The following RBFOX1 variants were observed in gnomAD, a reference collection of about 807,000 sequenced individuals.
RBFOX1 encodes the protein RNA binding protein fox-1 homolog 1.
Under a neutral mutation model 57.7 loss-of-function variants are expected in RBFOX1, and 8 were observed. The observed-to-expected ratio is 0.14, with a 90% CI of 0.08 to 0.25. The LOEUF is 0.25. Among genes scored for constraint, RBFOX1 ranks in the 10% least tolerant of loss-of-function variants. RBFOX1 has a pLI of 1.00. For missense variants in RBFOX1, 611 were observed against 548.5 expected (o/e 1.11, Z -1.14); for synonymous variants, 326 against 222.4 (o/e 1.47, Z -4.15).
chr16:5,525,272 A>T (rs1307975215), intron 2 of RBFOX1, among the ~76,000 whole-genome samples: 2 of 152,038 alleles, frequency 1.3e-5, no homozygotes, highest in Non-Finnish European at 2.9e-5. Flanking sequence ...AGACATGGGG[A>T]GTAATAATCA....
At chr16:5,990,352 C>T (rs547144412) in intron 4 of RBFOX1, among the ~76,000 whole-genome samples, 1 of 152,252 alleles carries the variant, frequency 6.6e-6, no homozygotes, top group African/African-American at 2.4e-5. Flanking sequence ...TGGCCTTGGG[C>T]AATGAACTAT....
At chr16:6,685,243 C>G in intron 3 of RBFOX1, among the ~76,000 whole-genome samples, 1 of 149,746 alleles carries the variant, frequency 6.7e-6, no homozygotes, top group East Asian at 2.0e-4. Context: ...AATGACTTCA[C>G]GTAAGTGTAC....
In RBFOX1 at chr16:7,042,772, A is replaced by G. The variant is rs1248973994; in HGVS notation, c.-15-9285A>G. Among the ~76,000 whole-genome samples the G allele has an allele frequency of 3.3e-5, 5 of 152,086 alleles. No homozygotes were observed. In the East Asian group the frequency reaches 9.7e-4, roughly 29 times the overall value. ...AAAACTCCATCTCTGCTACAAATGC[A>G]AAAATTAGCCGGGTGTGGTGGCGCT... On this transcript the variant is annotated intron_variant, in intron 3 of 15. Transcript: ENST00000550418.
chr16:6,912,742 T>C (rs2072003375), intron 3 of RBFOX1, among the ~76,000 whole-genome samples: 1 of 152,044 alleles, frequency 6.6e-6, no homozygotes, highest in East Asian at 1.9e-4. Context: ...CTCAGCCTAC[T>C]GAGTAGCTGG....
rs180841800 is a variant in RBFOX1 at position 6,369,418 on chromosome 16, C to T, written c.-64+52361C>T. 1.1e-3 allele frequency among the ~76,000 whole-genome samples: 162 copies of T among 152,246 alleles called. 2 individuals carry two copies. Among genetic ancestry groups the T allele is most frequent in the East Asian group, 2.5e-3 (13 of 5,182 alleles). ...AAAGAAAGGAGGCATTGTTTGAGAACGTTTGTCTTAGACATAGCATCTCTA... is the reference window on the plus strand; with the variant it reads ...AAAGAAAGGAGGCATTGTTTGAGAATGTTTGTCTTAGACATAGCATCTCTA... On this transcript the variant is annotated intron_variant, in intron 2 of 15. Coordinates refer to ENST00000550418, the MANE Select transcript of RBFOX1 (RefSeq NM_018723.4).
chr16:6,817,213 A>G (rs533673575), intron 3 of RBFOX1, among the ~76,000 whole-genome samples: 2 of 152,198 alleles, frequency 1.3e-5, no homozygotes, highest in African/African-American at 4.8e-5. Flanking sequence ...AGGTGCAAGG[A>G]ACTTTGTTGC....
intron 4 of RBFOX1, among the ~76,000 whole-genome samples, chr16:7,157,969 G>A (rs1023965669): frequency 2.6e-5 from 4 of 152,106 alleles, no homozygotes; most frequent in African/African-American, 9.7e-5. Context: ...TTTTAGATTT[G>A]TAGATTGACA....
At chr16:7,567,830 T>G (rs2092270839) in intron 5 of RBFOX1, among the ~76,000 whole-genome samples, 1 of 148,580 alleles carries the variant, frequency 6.7e-6, no homozygotes, top group Non-Finnish European at 1.5e-5. Flanking sequence ...CCTATATATA[T>G]CCCCATATAT....
chr16:5,399,661 A>T (rs930240569), intron 1 of RBFOX1, among the ~76,000 whole-genome samples: 1 of 152,072 alleles, frequency 6.6e-6, no homozygotes, highest in African/African-American at 2.4e-5. Context: ...ACCTGAGCAC[A>T]GGAGATCAAG....
At chr16:7,661,466 C>G (rs961265780) in intron 12 of RBFOX1, among the ~76,000 whole-genome samples, 1 of 152,330 alleles carries the variant, frequency 6.6e-6, no homozygotes, top group East Asian at 1.9e-4. Flanking sequence ...TCACTCCTCT[C>G]TACCGAGCCA....
At chr16:7,454,566 T>A (rs2150318520) in intron 4 of RBFOX1, among the ~76,000 whole-genome samples, 1 of 152,278 alleles carries the variant, frequency 6.6e-6, no homozygotes. Flanking sequence ...ACCTGTTGGG[T>A]TATGTCCCCT....
rs535568401 is a variant in RBFOX1, at chr16:6,425,335, C to T, written c.-64+108278C>T. Among the ~76,000 whole-genome samples, 49 of 152,230 alleles carry T rather than the reference C, an allele frequency of 3.2e-4. No homozygotes were observed. The South Asian group carries it at 9.7e-3, about 30-fold the overall frequency. ...AGCTGAAGGAGGAATACTCTAAAATCATTGTCTTCTCATTTAAATGCTCTT... is the reference window on the plus strand; with the variant it reads ...AGCTGAAGGAGGAATACTCTAAAATTATTGTCTTCTCATTTAAATGCTCTT... On this transcript the variant is annotated intron_variant, in intron 2 of 15. Coordinates refer to ENST00000550418, the MANE Select transcript of RBFOX1 (RefSeq NM_018723.4).
In RBFOX1 at chr16:5,326,035, T is replaced by C. The variant is rs145702888; in HGVS notation, c.219+85930T>C. ...TTATATAATTTAGCTTACATACTTATATAAGAGTTTGGCATCAGAGTTTTT... is the reference window on the plus strand; with the variant it reads ...TTATATAATTTAGCTTACATACTTACATAAGAGTTTGGCATCAGAGTTTTT... On this transcript the variant is annotated intron_variant, in intron 1 of 2. Transcript: ENST00000585867. Among the ~76,000 whole-genome samples, 458 of 152,350 alleles carry C rather than the reference T, an allele frequency of 3.0e-3. 5 individuals are homozygous for C. Among genetic ancestry groups the C allele is most frequent in the African/African-American group, 0.01 (433 of 41,592 alleles).
intron 4 of RBFOX1, among the ~76,000 whole-genome samples, chr16:7,396,947 A>G (rs1370006432): frequency 3.3e-5 from 5 of 152,186 alleles, no homozygotes; most frequent in Non-Finnish European, 2.9e-5. Context: ...AAAAAGAAAA[A>G]TAAAAGAAAA....
intron 4 of RBFOX1, among the ~76,000 whole-genome samples, chr16:5,966,888 C>T (rs777083436): frequency 6.7e-6 from 1 of 150,170 alleles, no homozygotes; most frequent in African/African-American, 2.4e-5. Context: ...ATCCTGTCCT[C>T]TTCCCAAACA....
chr16:7,553,966 A>C (rs181502040), intron 5 of RBFOX1, among the ~76,000 whole-genome samples: 1 of 152,190 alleles, frequency 6.6e-6, no homozygotes, highest in Non-Finnish European at 1.5e-5. Context: ...TAAGAAGGCC[A>C]GGCCCAGTGG....
At chr16:6,200,840 G>C (rs1399484558) in intron 1 of RBFOX1, among the ~76,000 whole-genome samples, 2 of 152,026 alleles carry the variant, frequency 1.3e-5, no homozygotes, top group Non-Finnish European at 2.9e-5. Context: ...GCTGTGAATT[G>C]ACGTAGCAGG....
chr16:5,747,136 G>A (rs1045178651), intron 3 of RBFOX1, among the ~76,000 whole-genome samples: 2 of 152,166 alleles, frequency 1.3e-5, no homozygotes, highest in Admixed American at 6.5e-5. Context: ...CATCTATTGA[G>A]ATAATCATGT....
At chr16:7,472,499 A>T (rs1320158164) in intron 4 of RBFOX1, among the ~76,000 whole-genome samples, 2 of 152,242 alleles carry the variant, frequency 1.3e-5, no homozygotes, top group Non-Finnish European at 2.9e-5. Context: ...AGATTAAGTT[A>T]TTCTGATATG....
Sources: gnomAD v4.1 joint callset for allele counts (sites outside exome capture counted in the v4.1 genomes callset) on GRCh38, gnomAD v4.1.1 for gene constraint, MANE v1.5 for transcripts, NCBI Gene and HGNC (gene_info 2026-07-23, HGNC 2026-07-21) for gene names.